The following EHMT1 variants were observed in gnomAD, a reference collection of about 807,000 sequenced individuals.
EHMT1 encodes the protein histone-lysine N-methyltransferase EHMT1.
Under a neutral mutation model 147.2 loss-of-function variants are expected in EHMT1, and 15 were observed. The observed-to-expected ratio is 0.10, with a 90% CI of 0.07 to 0.16. The LOEUF is 0.16. Among genes scored for constraint, EHMT1 ranks in the 10% least tolerant of loss-of-function variants. The pLI is 1.00. For synonymous variants in EHMT1, 795 were observed against 709.6 expected, an observed-to-expected ratio of 1.12 and a Z score of -1.91; for missense variants, 1,587 against 1,772.4, an observed-to-expected ratio of 0.90 and a Z score of 1.88.
At chr9:137,763,823 C>T (rs1448549031) in intron 10 of EHMT1, 1 of 152,414 alleles carries the variant, frequency 6.6e-6, no homozygotes. Context: ...CGCCTCCAGA[C>T]TCACTGGCCT....
chr9:137,678,098 C>T (rs1589227447), intron 1 of EHMT1, among the ~76,000 whole-genome samples: 1 of 152,096 alleles, frequency 6.6e-6, no homozygotes, highest in Non-Finnish European at 1.5e-5. Flanking sequence ...ATAATGTTGT[C>T]AAAATCTTAA....
chr9:137,642,102 A>C (rs1184587454), intron 1 of EHMT1, among the ~76,000 whole-genome samples: 1 of 152,118 alleles, frequency 6.6e-6, no homozygotes, highest in Non-Finnish European at 1.5e-5. Flanking sequence ...GGCCTCCCAA[A>C]GTGCTGGGAT....
At chr9:137,757,248 G>A (rs1026151652) in intron 8 of EHMT1, among the ~76,000 whole-genome samples, 5 of 152,304 alleles carry the variant, frequency 3.3e-5, no homozygotes, top group East Asian at 3.9e-4. Context: ...CACTGCCCTC[G>A]CTGCCAGCCA....
chr9:137,800,168 C>T (rs1322357870), intron 17 of EHMT1, among the ~76,000 whole-genome samples: 2 of 152,176 alleles, frequency 1.3e-5, no homozygotes, highest in Non-Finnish European at 2.9e-5. Flanking sequence ...GAGGCTGAGT[C>T]TTCTGCCTTC....
chr9:137,638,818 C>T lies in EHMT1; in HGVS notation c.21+19769C>T, dbSNP rs560269448. Among the ~76,000 whole-genome samples, 5 of 152,086 alleles carry T rather than the reference C, an allele frequency of 3.3e-5. No individual in the cohort carries two copies. In the South Asian group the frequency reaches 8.3e-4, roughly 25 times the overall value. On this transcript the variant is annotated intron_variant, in intron 1 of 26. Coordinates refer to ENST00000460843, the MANE Select transcript of EHMT1 (RefSeq NM_024757.5). ...CATGCGGACACACAGGGAGAAGTGG[C>T]GCATGACTGGGGTGATGCTTCCATA...
intron 7 of EHMT1, 102 bp downstream of exon 7, chr9:137,752,510 GC>G: frequency 2.9e-6 from 4 of 1,356,070 alleles, no homozygotes; most frequent in Non-Finnish European, 4.1e-6. Context: ...TTGCCTGAGC[GC>G]TCACCCATGT....
chr9:137,663,833 G>T (rs1198575258), intron 1 of EHMT1, among the ~76,000 whole-genome samples: 1 of 152,154 alleles, frequency 6.6e-6, no homozygotes, highest in East Asian at 1.9e-4. Flanking sequence ...AGAGAAGGTG[G>T]AATGCATGTC....
At chr9:137,666,459 G>T (rs1310467045) in intron 1 of EHMT1, among the ~76,000 whole-genome samples, 3 of 152,270 alleles carry the variant, frequency 2.0e-5, no homozygotes, top group Non-Finnish European at 2.9e-5. Flanking sequence ...GGCAGCCTCA[G>T]TGGTGGAGGG....
At chr9:137,761,877 T>C (rs1949851280) in intron 9 of EHMT1, among the ~76,000 whole-genome samples, 1 of 152,256 alleles carries the variant, frequency 6.6e-6, no homozygotes, top group African/African-American at 2.4e-5. Context: ...CTGGCTTCCT[T>C]TGGGAGCGGC....
At chr9:137,754,149 G>C in intron 7 of EHMT1, 22 bp from the exon 8 acceptor site, 1 of 1,613,950 alleles carries the variant, frequency 6.2e-7, no homozygotes, top group South Asian at 1.1e-5. Context: ...TGGTTTATAT[G>C]CCTGCCCGTT....
intron 10 of EHMT1, among the ~76,000 whole-genome samples, chr9:137,769,018 A>G (rs1470898862): frequency 2.0e-5 from 3 of 152,156 alleles, no homozygotes; most frequent in Admixed American, 6.5e-5. Context: ...TGAATTTTTT[A>G]TGATTCCAAT....
intron 1 of EHMT1, among the ~76,000 whole-genome samples, chr9:137,639,817 C>G (rs1844352572): frequency 6.6e-6 from 1 of 152,120 alleles, no homozygotes; most frequent in African/African-American, 2.4e-5. Context: ...AAAGTGTCAC[C>G]TTAGACTGCA....
At chr9:137,669,666 G>A (rs531322908) in intron 1 of EHMT1, among the ~76,000 whole-genome samples, 2 of 151,278 alleles carry the variant, frequency 1.3e-5, no homozygotes, top group South Asian at 2.1e-4. Context: ...AGCATTCATT[G>A]CCTTTAGTAC....
At chr9:137,674,646 A>G (rs1285121229) in intron 1 of EHMT1, among the ~76,000 whole-genome samples, 1 of 152,220 alleles carries the variant, frequency 6.6e-6, no homozygotes, top group Admixed American at 6.5e-5. Context: ...ATCTTAGAGT[A>G]TATTCTTCCA....
chr9:137,710,823 C>G (rs372659924), intron 1 of EHMT1, 144 bp from the exon 2 acceptor site: 1 of 810,124 alleles, frequency 1.2e-6, no homozygotes, highest in African/African-American at 1.7e-5. Context: ...GCGACTGTAA[C>G]CAGCTGGCAG....
At chr9:137,708,118 G>A (rs1045499361) in intron 1 of EHMT1, among the ~76,000 whole-genome samples, 3 of 152,186 alleles carry the variant, frequency 2.0e-5, no homozygotes, top group Non-Finnish European at 4.4e-5. Flanking sequence ...GAATACAGCA[G>A]TTTCTGTGAA....
In EHMT1 at chr9:137,781,208, TGTG is replaced by T. The variant is rs765884764; in HGVS notation, c.2276-1079_2276-1077del. Among the ~76,000 whole-genome samples the T allele has an allele frequency of 1.5e-3, 148 of 96,264 alleles. 39 individuals carry two copies. Among genetic ancestry groups the T allele is most frequent in the African/African-American group, 0.011 (139 of 13,070 alleles). The allele number at this position is 96,264 out of a possible 152,430, so 63.2% of individuals were successfully genotyped here. On this transcript the variant is annotated intron_variant, in intron 14 of 26. Transcript: ENST00000460843. ...GACGTGTGGTGACGACGCTGAGACG[TGTG>T]GTGACGACGCTGGGACGTGTGGTGA...
chr9:137,621,216 C>T (rs751444381), intron 1 of EHMT1, among the ~76,000 whole-genome samples: 1 of 152,110 alleles, frequency 6.6e-6, no homozygotes, highest in Non-Finnish European at 1.5e-5. Context: ...CTGTGTGTAG[C>T]GCAGCAACTC....
intron 1 of EHMT1, among the ~76,000 whole-genome samples, chr9:137,689,041 G>C (rs900133128): frequency 6.6e-6 from 1 of 151,862 alleles, no homozygotes; most frequent in Non-Finnish European, 1.5e-5. Flanking sequence ...CGCTTGTTCT[G>C]CATCCCCCAG....
Sources: allele counts gnomAD v4.1 joint callset (sites outside exome capture counted in the v4.1 genomes callset), GRCh38; gene constraint gnomAD v4.1.1; transcripts MANE v1.5; gene names NCBI Gene and HGNC (gene_info 2026-07-23, HGNC 2026-07-21).